The following SDK2 variants were observed in gnomAD, a reference collection of about 807,000 sequenced individuals.
SDK2 encodes protein sidekick-2.
In SDK2, 105 loss-of-function variants were observed where a neutral mutation model predicts 253.9. The ratio of observed to expected loss-of-function variants is 0.41; its 90% CI spans 0.35 to 0.49. The LOEUF (loss-of-function observed/expected upper bound fraction) is 0.49. SDK2 is among the 20% of genes least tolerant of loss of function. The pLI is 0.06. For missense variants in SDK2, 2,608 were observed against 3,003.0 expected (o/e 0.87, Z 3.07); for synonymous variants, 1,249 against 1,234.9 (o/e 1.01, Z -0.24).
intron 2 of SDK2, among the ~76,000 whole-genome samples, chr17:73,499,596 C>G (rs1248430625): frequency 6.6e-6 from 1 of 152,250 alleles, no homozygotes; most frequent in Non-Finnish European, 1.5e-5. Context: ...TGATGTGGGG[C>G]AGGGACAGAA....
Position 73,438,450 on chromosome 17 carries a change from G to A in SDK2, c.726-296C>T, listed in dbSNP as rs1648833519. 2.6e-5 allele frequency among the ~76,000 whole-genome samples: 4 copies of A among 152,288 alleles called. No individual in the cohort carries two copies. In the South Asian group the frequency reaches 8.3e-4, roughly 32 times the overall value. On this transcript the variant is annotated intron_variant, in intron 6 of 44. Transcript: ENST00000392650. The stretch of plus-strand genomic sequence containing the variant: ...GCCTGCTGATGGACTTGGAACTCAG[G>A]GCTTGGCAGCTCAGGCAAAGCAGGA...
At chr17:73,419,657 G>A (rs2063211938) in intron 15 of SDK2, among the ~76,000 whole-genome samples, 1 of 150,324 alleles carries the variant, frequency 6.7e-6, no homozygotes, top group Non-Finnish European at 1.5e-5. Flanking sequence ...ATTGCTTGAG[G>A]GCCAGAGTTC....
intron 1 of SDK2, among the ~76,000 whole-genome samples, chr17:73,587,526 G>T (rs58730585): frequency 2.0e-5 from 3 of 152,184 alleles, no homozygotes; most frequent in African/African-American, 7.2e-5. Context: ...ATCTCTGCAC[G>T]TTATCTGTGT....
chr17:73,571,486 G>C (rs929877497), intron 1 of SDK2, among the ~76,000 whole-genome samples: 3 of 152,196 alleles, frequency 2.0e-5, no homozygotes, highest in African/African-American at 4.8e-5. Flanking sequence ...CCAACCCTGA[G>C]CCCATCGATC....
At chr17:73,636,680 CAAAA>C (rs561026344) in intron 1 of SDK2, among the ~76,000 whole-genome samples, 29 of 50,990 alleles carry the variant, frequency 5.7e-4, no homozygotes, top group African/African-American at 1.7e-3. Context: ...GACTCTGTCT[CAAAA>C]AAAAAAAAAA....
At chr17:73,406,074 A>C (rs1482422458) in intron 18 of SDK2, among the ~76,000 whole-genome samples, 2 of 152,082 alleles carry the variant, frequency 1.3e-5, no homozygotes, top group Admixed American at 6.6e-5. Flanking sequence ...TACATAACAC[A>C]ATATAAATGC....
At chr17:73,482,269 CA>C (rs147359884) in intron 2 of SDK2, among the ~76,000 whole-genome samples, 22 of 97,894 alleles carry the variant, frequency 2.2e-4, no homozygotes, top group East Asian at 9.7e-4. Context: ...GACTCCATCT[CA>C]AAAAAAAAAA....
chr17:73,386,183 G>A (rs2062870489), intron 31 of SDK2, among the ~76,000 whole-genome samples: 1 of 152,208 alleles, frequency 6.6e-6, no homozygotes, highest in African/African-American at 2.4e-5. Flanking sequence ...TTCTGCTGCT[G>A]CTGAGAACTC....
chr17:73,453,370 G>GTTTTTTTTTTTTTTTTT (rs34814268), intron 4 of SDK2, among the ~76,000 whole-genome samples: 1 of 141,226 alleles, frequency 7.1e-6, no homozygotes, highest in Non-Finnish European at 1.5e-5. Flanking sequence ...CTGAGCTGGG[G>GTTTTTTTTTTTTTTTTT]TTTTTTTTTT....
chr17:73,480,607 T>C (rs1441470276), intron 2 of SDK2, among the ~76,000 whole-genome samples: 1 of 151,856 alleles, frequency 6.6e-6, no homozygotes, highest in Non-Finnish European at 1.5e-5. Flanking sequence ...AAGGATCTGC[T>C]GGGGGTGAGT....
At position 73,644,079 on chromosome 17, in the gene SDK2, G is replaced by A. The variant is rs931047532; in HGVS notation, c.10C>T (p.Leu4Phe). The A allele has an allele frequency of 6.5e-7, 1 of 1,545,136 alleles. No homozygotes were observed. Among genetic ancestry groups the A allele is most frequent in the Non-Finnish European group, 8.7e-7 (1 of 1,143,074 alleles). Residue 4 changes from leucine (L) to phenylalanine (F), a missense_variant, in exon 1 of 45, where the codon CTT becomes TTT. Around this residue, in one of 2 missense-constraint regions of SDK2, gnomAD observed 1,505 missense variants for 1,859.1 expected, o/e 0.81. Coordinates refer to ENST00000392650, the MANE Select transcript of SDK2 (RefSeq NM_001144952.2). The surrounding 1 kb of genome is among the most constrained non-coding windows in gnomAD (Gnocchi z 6.3). MWG[L>F]LIWTLLALHQ... ...AGAGCTAGCAGTGTCCAGATCAAAA[G>A]CCCCCACATGGTGACCAGCCTGGAG...
At chr17:73,462,751 G>T (rs1190838967) in intron 3 of SDK2, among the ~76,000 whole-genome samples, 1 of 152,116 alleles carries the variant, frequency 6.6e-6, no homozygotes, top group Non-Finnish European at 1.5e-5. Context: ...GCTGGCCTTG[G>T]TCCAGGTTCT....
intron 36 of SDK2, among the ~76,000 whole-genome samples, chr17:73,370,490 A>G (rs2062725288): frequency 6.6e-6 from 1 of 151,592 alleles, no homozygotes; most frequent in African/African-American, 2.4e-5. Flanking sequence ...CGATCCAACC[A>G]CCTTGGCTTC....
intron 1 of SDK2, among the ~76,000 whole-genome samples, chr17:73,602,144 G>C (rs916350984): frequency 6.6e-6 from 1 of 152,230 alleles, no homozygotes; most frequent in African/African-American, 2.4e-5. Flanking sequence ...TTGGGAAACT[G>C]AGGCCCAGAA....
At chr17:73,484,949 T>A (rs2063760650) in intron 2 of SDK2, among the ~76,000 whole-genome samples, 1 of 152,230 alleles carries the variant, frequency 6.6e-6, no homozygotes, top group Non-Finnish European at 1.5e-5. Flanking sequence ...CCACTGTGCC[T>A]GGGCTCTCCT....
chr17:73,367,258 C>T (rs903089432), intron 37 of SDK2, among the ~76,000 whole-genome samples: 2 of 152,132 alleles, frequency 1.3e-5, no homozygotes, highest in Non-Finnish European at 2.9e-5. Context: ...ATCCACCCAC[C>T]TCGGCCTCCC....
At chr17:73,638,854 G>T (rs2046363627) in intron 1 of SDK2, among the ~76,000 whole-genome samples, 1 of 144,824 alleles carries the variant, frequency 6.9e-6, no homozygotes, top group Admixed American at 7.0e-5. Flanking sequence ...CTGTTGTGTA[G>T]GCTGGAGTAC....
At chr17:73,398,939 C>A (rs1270701659) in intron 22 of SDK2, among the ~76,000 whole-genome samples, 2 of 152,146 alleles carry the variant, frequency 1.3e-5, no homozygotes, top group Non-Finnish European at 2.9e-5. Context: ...TTTCTAGGCA[C>A]CCCCCGACCC....
intron 1 of SDK2, among the ~76,000 whole-genome samples, chr17:73,581,986 C>T (rs942269572): frequency 2.6e-5 from 4 of 152,226 alleles, no homozygotes; most frequent in Admixed American, 2.6e-4. Flanking sequence ...CTTTCTACCT[C>T]ACCCAGGGTG....
Sources: gnomAD v4.1 joint callset for allele counts (sites outside exome capture counted in the v4.1 genomes callset) on GRCh38, gnomAD v4.1.1 for gene constraint, gnomAD v4.1.1 regional missense constraint, Gnocchi (gnomAD v3.1) non-coding constraint, MANE v1.5 for transcripts, NCBI Gene and HGNC (gene_info 2026-07-23, HGNC 2026-07-21) for gene names.